GPC5: variants seen among roughly 807,000 people sequenced by gnomAD.
GPC5 encodes the protein glypican-5.
A neutral mutation model predicts 53.9 loss-of-function variants in GPC5; 47 were observed. The observed-to-expected ratio is 0.87, with a 90% CI of 0.69 to 1.11. GPC5 has a LOEUF of 1.11. GPC5 is among the 50% of genes most tolerant of loss of function. The pLI, the probability that GPC5 is intolerant of heterozygous loss-of-function variation, is 0.00. For synonymous variants in GPC5, 286 were observed against 263.3 expected, an observed-to-expected ratio of 1.09 and a Z score of -0.84; for missense variants, 748 against 713.1, an observed-to-expected ratio of 1.05 and a Z score of -0.56.
chr13:91,514,066 G>A (rs1432081886), intron 2 of GPC5, among the ~76,000 whole-genome samples: 1 of 152,120 alleles, frequency 6.6e-6, no homozygotes, highest in Non-Finnish European at 1.5e-5. Context: ...CATCTGGGTT[G>A]TTTCTGGTTT....
At chr13:92,323,183 A>G (rs868793958) in intron 7 of GPC5, among the ~76,000 whole-genome samples, 8 of 151,440 alleles carry the variant, frequency 5.3e-5, no homozygotes, top group African/African-American at 1.7e-4. Context: ...ATTAATTACT[A>G]TTTCTGGGCA....
intron 2 of GPC5, among the ~76,000 whole-genome samples, chr13:91,475,885 CAG>C (rs970890599): frequency 6.6e-6 from 1 of 152,136 alleles, no homozygotes; most frequent in Non-Finnish European, 1.5e-5. Context: ...CTAGAGAATG[CAG>C]AGTCAGTGCT....
chr13:91,635,570 A>G (rs2034266014), intron 2 of GPC5, among the ~76,000 whole-genome samples: 1 of 152,052 alleles, frequency 6.6e-6, no homozygotes, highest in Non-Finnish European at 1.5e-5. Flanking sequence ...ATACTAATGA[A>G]TATTTTGCTT....
At chr13:92,706,980 C>T (rs1887973725) in intron 7 of GPC5, among the ~76,000 whole-genome samples, 2 of 152,066 alleles carry the variant, frequency 1.3e-5, no homozygotes, top group South Asian at 4.1e-4. Flanking sequence ...TATGTGAGAT[C>T]TCTTTCTCTG....
At chr13:92,748,037 T>C (rs1306622806) in intron 7 of GPC5, among the ~76,000 whole-genome samples, 1 of 152,106 alleles carries the variant, frequency 6.6e-6, no homozygotes, top group Non-Finnish European at 1.5e-5. Context: ...AGGTAGTCTG[T>C]GAATTATATG....
At chr13:91,673,202 T>G (rs949563161) in intron 2 of GPC5, among the ~76,000 whole-genome samples, 2 of 151,836 alleles carry the variant, frequency 1.3e-5, no homozygotes, top group Non-Finnish European at 2.9e-5. Context: ...GTGGTTTTAT[T>G]TTTTTTAGAA....
intron 6 of GPC5, among the ~76,000 whole-genome samples, chr13:92,007,912 A>G (rs1240641836): frequency 6.6e-6 from 1 of 152,048 alleles, no homozygotes; most frequent in African/African-American, 2.4e-5. Flanking sequence ...AGGACTCCAA[A>G]ACTCTATACT....
intron 6 of GPC5, among the ~76,000 whole-genome samples, chr13:92,008,264 G>A (rs1017886133): frequency 1.3e-5 from 2 of 151,840 alleles, no homozygotes; most frequent in East Asian, 1.9e-4. Context: ...GGGTTTCACC[G>A]TGTTAGCCAG....
chr13:91,650,016 T>C (rs2034659067), intron 2 of GPC5, among the ~76,000 whole-genome samples: 1 of 152,206 alleles, frequency 6.6e-6, no homozygotes, highest in Admixed American at 6.5e-5. Flanking sequence ...TTCCTTCAGT[T>C]GGTGACATTT....
intron 6 of GPC5, among the ~76,000 whole-genome samples, chr13:92,030,657 A>T (rs1188355671): frequency 6.6e-6 from 1 of 152,146 alleles, no homozygotes; most frequent in Non-Finnish European, 1.5e-5. Flanking sequence ...CACTGTATCT[A>T]GTAGACATTC....
At chr13:91,675,997 A>T (rs1315134320) in intron 2 of GPC5, among the ~76,000 whole-genome samples, 2 of 152,220 alleles carry the variant, frequency 1.3e-5, no homozygotes, top group Non-Finnish European at 2.9e-5. Context: ...AAGGAATCTG[A>T]ATGTCTTGAT....
intron 5 of GPC5, among the ~76,000 whole-genome samples, chr13:91,892,563 A>T: frequency 6.6e-6 from 1 of 151,726 alleles, no homozygotes; most frequent in East Asian, 1.9e-4. Flanking sequence ...ACTAATTTTT[A>T]GTGAAAGCCT....
At chr13:92,106,536 T>TCATAAAATATAAATTCATAAAAAATAAAA (rs2138920115) in intron 6 of GPC5, among the ~76,000 whole-genome samples, 1 of 152,126 alleles carries the variant, frequency 6.6e-6, no homozygotes, top group East Asian at 1.9e-4. Context: ...TCATAAAAAT[T>TCATAAAATATAAATTCATAAAAAATAAAA]GTCTTAGAGT....
chr13:92,549,666 A>G (rs1017934296), intron 7 of GPC5, among the ~76,000 whole-genome samples: 6 of 152,082 alleles, frequency 3.9e-5, no homozygotes, highest in African/African-American at 1.4e-4. Flanking sequence ...CAAGAAAAAT[A>G]ACAACAAACT....
chr13:92,153,336 C>T (rs376028055), intron 7 of GPC5, among the ~76,000 whole-genome samples: 1 of 152,092 alleles, frequency 6.6e-6, no homozygotes, highest in Non-Finnish European at 1.5e-5. Flanking sequence ...CAGGGTTTCA[C>T]CGTGTTGGCT....
chr13:92,814,672 TA>T, intron 7 of GPC5, among the ~76,000 whole-genome samples: 1 of 148,772 alleles, frequency 6.7e-6, no homozygotes. Context: ...AAAAAAAAAA[TA>T]AAAAATAAAA....
At chr13:92,102,309 T>C (rs1196086679) in intron 6 of GPC5, among the ~76,000 whole-genome samples, 1 of 152,186 alleles carries the variant, frequency 6.6e-6, no homozygotes, top group African/African-American at 2.4e-5. Context: ...ATCAAAGATA[T>C]GTTACTTTTC....
intron 2 of GPC5, among the ~76,000 whole-genome samples, chr13:91,548,687 C>G (rs2030440403): frequency 6.6e-6 from 1 of 152,164 alleles, no homozygotes; most frequent in Non-Finnish European, 1.5e-5. Flanking sequence ...AGGACTGACA[C>G]TACCTGACCT....
At chr13:92,655,975 G>C (rs1479949627) in intron 7 of GPC5, among the ~76,000 whole-genome samples, 4 of 151,970 alleles carry the variant, frequency 2.6e-5, no homozygotes, top group Non-Finnish European at 1.5e-5. Context: ...ATACAACCTT[G>C]AATAAGACAA....
Sources: allele counts gnomAD v4.1 joint callset (sites outside exome capture counted in the v4.1 genomes callset), GRCh38; gene constraint gnomAD v4.1.1; transcripts MANE v1.5; gene names NCBI Gene and HGNC (gene_info 2026-07-23, HGNC 2026-07-21).